ROBO2: variants seen among roughly 807,000 people sequenced by gnomAD.
ROBO2 encodes the protein roundabout guidance receptor 2, also known as roundabout homolog 2.
Under a neutral mutation model 160.8 loss-of-function variants are expected in ROBO2, and 53 were observed. The ratio of observed to expected loss-of-function variants is 0.33; its 90% CI spans 0.26 to 0.41. The LOEUF (loss-of-function observed/expected upper bound fraction) is 0.41. ROBO2 is among the 10% of genes least tolerant of loss of function. ROBO2 has a pLI of 1.00. For missense variants in ROBO2, 1,577 were observed against 1,722.4 expected, an observed-to-expected ratio of 0.92 and a Z score of 1.49; for synonymous variants, 664 against 611.7, an observed-to-expected ratio of 1.09 and a Z score of -1.26.
intron 2 of ROBO2, among the ~76,000 whole-genome samples, chr3:75,980,719 C>T (rs897147900): frequency 6.6e-6 from 1 of 151,518 alleles, no homozygotes; most frequent in Admixed American, 6.6e-5. Context: ...TGACTGGACA[C>T]ATATATCTCT....
At chr3:76,544,592 T>C (rs1445284832) in intron 2 of ROBO2, among the ~76,000 whole-genome samples, 1 of 152,026 alleles carries the variant, frequency 6.6e-6, no homozygotes, top group African/African-American at 2.4e-5. Context: ...AAAATACCCA[T>C]ATTTGTAGAC....
chr3:77,079,458 G>A (rs2068388980), intron 1 of ROBO2, among the ~76,000 whole-genome samples: 1 of 151,986 alleles, frequency 6.6e-6, no homozygotes, highest in African/African-American at 2.4e-5. Flanking sequence ...TTCATCATGT[G>A]GCTACATTGA....
intron 1 of ROBO2, among the ~76,000 whole-genome samples, chr3:75,929,549 T>G (rs1050465922): frequency 6.6e-6 from 1 of 152,218 alleles, no homozygotes; most frequent in African/African-American, 2.4e-5. Context: ...CTGAGGTGGT[T>G]GTTCTTGGTT....
chr3:77,634,132 C>T (rs2095222231), intron 23 of ROBO2: 1 of 152,030 alleles, frequency 6.6e-6, no homozygotes, highest in African/African-American at 2.4e-5. Context: ...AATAAATTTC[C>T]CCGTATACCT....
At chr3:76,000,853 C>T (rs1459741833) in intron 2 of ROBO2, among the ~76,000 whole-genome samples, 1 of 151,948 alleles carries the variant, frequency 6.6e-6, no homozygotes, top group African/African-American at 2.4e-5. Flanking sequence ...CATTTTATAT[C>T]CCTCAGCATT....
At chr3:76,323,539 G>A (rs56280031) in intron 2 of ROBO2, among the ~76,000 whole-genome samples, 1 of 152,140 alleles carries the variant, frequency 6.6e-6, no homozygotes, top group African/African-American at 2.4e-5. Context: ...TATTGATGGT[G>A]TAGAAAAAGC....
chr3:76,941,495 C>CCT (rs1359537147), intron 2 of ROBO2, among the ~76,000 whole-genome samples: 1 of 152,178 alleles, frequency 6.6e-6, no homozygotes, highest in African/African-American at 2.4e-5. Flanking sequence ...TTTCTCCCTA[C>CCT]CTCTCAAGGC....
chr3:76,067,617 G>T (rs1239513623), intron 2 of ROBO2, among the ~76,000 whole-genome samples: 3 of 151,960 alleles, frequency 2.0e-5, no homozygotes, highest in Non-Finnish European at 4.4e-5. Context: ...TCTGTACTTG[G>T]TGTCATATCA....
chr3:77,083,020 C>G (rs1332628364), intron 1 of ROBO2, among the ~76,000 whole-genome samples: 1 of 152,020 alleles, frequency 6.6e-6, no homozygotes, highest in Non-Finnish European at 1.5e-5. Flanking sequence ...TCAATATGGG[C>G]AGTTTAGATA....
intron 2 of ROBO2, among the ~76,000 whole-genome samples, chr3:75,954,413 G>A (rs1295337299): frequency 6.6e-6 from 1 of 151,718 alleles, no homozygotes; most frequent in Non-Finnish European, 1.5e-5. Context: ...AAGCCTGTGC[G>A]GTGAATGGGT....
intron 2 of ROBO2, among the ~76,000 whole-genome samples, chr3:76,312,312 G>A (rs1173190769): frequency 6.6e-6 from 1 of 152,094 alleles, no homozygotes; most frequent in African/African-American, 2.4e-5. Context: ...TCCTGTCAGT[G>A]TTTATCATCT....
chr3:77,595,181 G>A (rs548908919), exon 18 of ROBO2: 1 of 1,609,874 alleles, frequency 6.2e-7, no homozygotes, highest in South Asian at 1.1e-5. Flanking sequence ...ATGAGCAATG[G>A]AAGGTATGCT....
chr3:77,350,072 A>AC, intron 2 of ROBO2, among the ~76,000 whole-genome samples: 1 of 150,484 alleles, frequency 6.6e-6, no homozygotes, highest in Admixed American at 6.6e-5. Context: ...ATTAAAAAAA[A>AC]ATATATATAT....
intron 2 of ROBO2, among the ~76,000 whole-genome samples, chr3:76,542,292 G>A (rs2082863025): frequency 6.6e-6 from 1 of 152,078 alleles, no homozygotes; most frequent in Non-Finnish European, 1.5e-5. Context: ...ATAGTGATCA[G>A]CACTTATTTC....
In ROBO2 at chr3:76,320,947, G is replaced by T. The variant is rs1472055936; in HGVS notation, c.109+383345G>T. 2.6e-5 allele frequency among the ~76,000 whole-genome samples: 4 copies of T among 152,230 alleles called. No individual in the cohort carries two copies. The East Asian group carries it at 7.7e-4, about 29-fold the overall frequency. On this transcript the variant is annotated intron_variant, in intron 2 of 26. Coordinates refer to the ROBO2 transcript ENST00000487694. ...ATACTGTACTATTAACAAAATATTT[G>T]TAGTCTATCTACTATAGCCATGGAC...
chr3:76,468,036 T>G (rs1239317842), intron 2 of ROBO2, among the ~76,000 whole-genome samples: 2 of 152,098 alleles, frequency 1.3e-5, no homozygotes, highest in African/African-American at 4.8e-5. Context: ...ATGATAGAAA[T>G]TGTCATTTAC....
At chr3:76,253,195 TA>T (rs1706145032) in intron 2 of ROBO2, among the ~76,000 whole-genome samples, 1 of 152,112 alleles carries the variant, frequency 6.6e-6, no homozygotes, top group African/African-American at 2.4e-5. Flanking sequence ...GTATCAATTT[TA>T]AAGACAGGTA....
chr3:77,424,287 G>A (rs113690223), intron 2 of ROBO2, among the ~76,000 whole-genome samples: 1,565 of 152,276 alleles, frequency 0.01, 29 homozygotes, highest in African/African-American at 0.036. Flanking sequence ...ATGGGAGAAT[G>A]TGAGTAGGAT....
intron 2 of ROBO2, among the ~76,000 whole-genome samples, chr3:76,333,767 G>A (rs1324106222): frequency 6.6e-6 from 1 of 152,088 alleles, no homozygotes; most frequent in African/African-American, 2.4e-5. Flanking sequence ...GGACATTTGG[G>A]TTGGTTCCAA....
Sources: gnomAD v4.1 joint callset for allele counts (sites outside exome capture counted in the v4.1 genomes callset) on GRCh38, gnomAD v4.1.1 for gene constraint, MANE v1.5 for transcripts, NCBI Gene and HGNC (gene_info 2026-07-23, HGNC 2026-07-21) for gene names.